PCDH11X: variants seen among roughly 807,000 people sequenced by gnomAD.
The protein encoded by PCDH11X is protocadherin 11 X-linked.
Under a neutral mutation model 53.3 loss-of-function variants are expected in PCDH11X, and 18 were observed. That is an observed-to-expected ratio of 0.34 (90% confidence interval 0.23 to 0.50). The LOEUF is 0.50. Ranked by LOEUF, PCDH11X falls within the 20% of genes least tolerant of loss-of-function variation. The pLI, the probability that PCDH11X is intolerant of heterozygous loss-of-function variation, is 0.98. For synonymous variants in PCDH11X, 279 were observed against 393.3 expected (o/e 0.71, Z 3.44); for missense variants, 570 against 1,032.4 (o/e 0.55, Z 6.14).
chrX:92,273,175 G>T (rs6618938), intron 8 of PCDH11X, among the ~76,000 whole-genome samples: 1 of 110,556 alleles, frequency 9.0e-6, no homozygotes, highest in African/African-American at 3.3e-5. Context: ...GGCTGAGTCC[G>T]AAAAGAGAGT....
At chrX:92,085,145 A>G (rs1231324770) in intron 6 of PCDH11X, among the ~76,000 whole-genome samples, 1 of 110,962 alleles carries the variant, frequency 9.0e-6, no homozygotes, top group Admixed American at 9.7e-5. Flanking sequence ...GGCTAGAGCT[A>G]GATGCCTGCC....
intron 10 of PCDH11X, among the ~76,000 whole-genome samples, chrX:92,514,199 A>C (rs1037126884): frequency 2.8e-5 from 3 of 106,865 alleles, no homozygotes; most frequent in African/African-American, 1.0e-4. Flanking sequence ...AGACACTTTT[A>C]TGTTTTCATT....
chrX:92,040,494 G>A (rs1215508501), intron 6 of PCDH11X, among the ~76,000 whole-genome samples: 12 of 111,113 alleles, frequency 1.1e-4, no homozygotes, highest in Non-Finnish European at 2.3e-4. Flanking sequence ...TCCAGTCGCT[G>A]TTGTTTCTCT....
chrX:91,924,355 T>C (rs1171582019), intron 6 of PCDH11X, among the ~76,000 whole-genome samples: 2 of 110,819 alleles, frequency 1.8e-5, no homozygotes, highest in African/African-American at 6.6e-5. Flanking sequence ...ATGTGAGTAG[T>C]CTCTAGAAAC....
chrX:91,944,018 C>T (rs2525388), intron 6 of PCDH11X, among the ~76,000 whole-genome samples: 1 of 77,491 alleles, frequency 1.3e-5, no homozygotes, highest in African/African-American at 4.5e-5. Context: ...GCTGTATCTC[C>T]TGGATTGTGT....
At chrX:91,825,193 TG>T (rs1936864778) in intron 4 of PCDH11X, among the ~76,000 whole-genome samples, 1 of 108,749 alleles carries the variant, frequency 9.2e-6, no homozygotes, top group African/African-American at 3.6e-5. Context: ...TGAGCTGTGG[TG>T]GGCTCCACCC....
chrX:91,943,458 A>AT lies in PCDH11X; in HGVS notation c.3033+64189dup, dbSNP rs1315768787. Among the ~76,000 whole-genome samples the AT allele has an allele frequency of 7.2e-5, 8 of 110,940 alleles. No homozygotes were observed. In the East Asian group the frequency reaches 2.3e-3, roughly 32 times the overall value. ...TCTATTAAAACAAATCAATTAATAT[A>AT]TTTTGCCATATTAAGAAAACTGAAA... On this transcript the variant is annotated intron_variant, in intron 6 of 10. Transcript: ENST00000682573.
At chrX:92,026,218 A>C (rs1402339715) in intron 6 of PCDH11X, among the ~76,000 whole-genome samples, 2 of 110,792 alleles carry the variant, frequency 1.8e-5, no homozygotes, top group Non-Finnish European at 1.9e-5. Context: ...AAATCAAAAG[A>C]AGGACAATGT....
rs199653365 is a variant in PCDH11X, at chrX:92,253,046, A to AG, written c.3115-10068_3115-10067insG. On this transcript the variant is annotated intron_variant, in intron 7 of 10. Coordinates refer to ENST00000682573, the MANE Select transcript of PCDH11X (RefSeq NM_032968.5). ...TACTTTGCACAGGTAAGAAAAGAAA[A>AG]AAAAAAGTTGTAAACCTGGAGACAG... 2.1e-4 allele frequency among the ~76,000 whole-genome samples: 23 copies of AG among 111,613 alleles called. No homozygotes were observed. In the East Asian group the frequency reaches 6.0e-3, roughly 29 times the overall value.
chrX:92,443,178 A>G (rs1328248380), intron 9 of PCDH11X, among the ~76,000 whole-genome samples: 3 of 110,421 alleles, frequency 2.7e-5, no homozygotes, highest in African/African-American at 9.9e-5. Flanking sequence ...AGTGATATGG[A>G]GCATTTTTTC....
At chrX:92,570,110 TA>T (rs1922030518) in intron 10 of PCDH11X, among the ~76,000 whole-genome samples, 1 of 109,436 alleles carries the variant, frequency 9.1e-6, no homozygotes, top group Non-Finnish European at 1.9e-5. Context: ...CACATCAGTT[TA>T]ACTGTGGTGG....
intron 9 of PCDH11X, among the ~76,000 whole-genome samples, chrX:92,434,921 C>T (rs1234872935): frequency 9.1e-6 from 1 of 110,383 alleles, no homozygotes; most frequent in Non-Finnish European, 1.9e-5. Flanking sequence ...AGAACCAACA[C>T]AAGAACCCTG....
At chrX:92,034,709 C>T (rs1228197761) in intron 6 of PCDH11X, among the ~76,000 whole-genome samples, 1 of 109,560 alleles carries the variant, frequency 9.1e-6, no homozygotes, top group Non-Finnish European at 1.9e-5. Flanking sequence ...CTGTTTTATG[C>T]CTTTTGATTG....
chrX:92,390,243 T>C (rs1166266572), intron 9 of PCDH11X, among the ~76,000 whole-genome samples: 10 of 109,587 alleles, frequency 9.1e-5, no homozygotes, highest in Non-Finnish European at 1.9e-4. Flanking sequence ...TCCAAGAAAA[T>C]TTTGGTTAGG....
Position 92,297,195 on chromosome X carries a change from G to C in PCDH11X, c.3144+34052G>C, listed in dbSNP as rs1194801491. Reference sequence around the variant, plus strand: ...TTATTTTTTTGTCATAATTGCTTTTGATTTCTCTGTTATAAAATCTTTGCC... The same window carrying C: ...TTATTTTTTTGTCATAATTGCTTTTCATTTCTCTGTTATAAAATCTTTGCC... On this transcript the variant is annotated intron_variant, in intron 8 of 10. Coordinates refer to ENST00000682573, the MANE Select transcript of PCDH11X (RefSeq NM_032968.5). Among the ~76,000 whole-genome samples the C allele has an allele frequency of 2.7e-5, 3 of 110,252 alleles. No homozygotes were observed. The South Asian group carries it at 1.2e-3, about 43-fold the overall frequency.
chrX:92,114,489 A>G (rs1318306380), intron 6 of PCDH11X: 2 of 507,197 alleles, frequency 3.9e-6, no homozygotes, highest in African/African-American at 2.4e-5. Context: ...CTTTTTATCT[A>G]TTTTCTATAT....
intron 4 of PCDH11X, among the ~76,000 whole-genome samples, chrX:91,823,254 G>A (rs996507870): frequency 9.0e-6 from 1 of 111,038 alleles, no homozygotes; most frequent in Non-Finnish European, 1.9e-5. Context: ...TAGTTGATCT[G>A]TCTAATGTTG....
intron 10 of PCDH11X, among the ~76,000 whole-genome samples, chrX:92,568,575 T>C: frequency 9.1e-6 from 1 of 109,963 alleles, no homozygotes; most frequent in Non-Finnish European, 1.9e-5. Context: ...CGTAAGTCAA[T>C]TCCAGAAAGA....
chrX:92,560,189 T>C (rs1480814252), intron 10 of PCDH11X, among the ~76,000 whole-genome samples: 1 of 111,778 alleles, frequency 8.9e-6, no homozygotes, highest in Non-Finnish European at 1.9e-5. Flanking sequence ...AGATGACTTA[T>C]CTAGATACAA....
Sources: allele counts gnomAD v4.1 joint callset (sites outside exome capture counted in the v4.1 genomes callset), GRCh38; gene constraint gnomAD v4.1.1; transcripts MANE v1.5; gene names NCBI Gene and HGNC (gene_info 2026-07-23, HGNC 2026-07-21).